CASP5: variants seen among roughly 807,000 people sequenced by gnomAD.
CASP5 encodes caspase 5.
CASP5 carries 42 observed loss-of-function variants against 45.2 expected under a neutral mutation model. The observed-to-expected ratio is 0.93, with a 90% confidence interval of 0.73 to 1.20. CASP5 has a LOEUF of 1.20. Among genes scored for constraint, CASP5 ranks in the 50% most tolerant of loss-of-function variants. The pLI is 0.00. For synonymous variants in CASP5, 209 were observed against 186.2 expected (o/e 1.12, Z -1.00); for missense variants, 512 against 532.2 (o/e 0.96, Z 0.37).
chr11:105,001,820 G>A (rs1413095056), intron 5 of CASP5, among the ~76,000 whole-genome samples: 2 of 152,148 alleles, frequency 1.3e-5, no homozygotes, highest in Non-Finnish European at 2.9e-5. Flanking sequence ...GTTTTATGGA[G>A]TTGAGGGTAT....
chr11:105,021,514 C>T (rs1862960772), intron 1 of CASP5, among the ~76,000 whole-genome samples: 1 of 150,752 alleles, frequency 6.6e-6, no homozygotes, highest in African/African-American at 2.4e-5. Flanking sequence ...TGAACAGACA[C>T]TTCTCAAAAG....
intron 1 of CASP5, among the ~76,000 whole-genome samples, chr11:105,022,437 G>A (rs974584162): frequency 6.6e-6 from 1 of 152,020 alleles, no homozygotes; most frequent in Non-Finnish European, 1.5e-5. Flanking sequence ...AACCAAAGAC[G>A]CAATATGACC....
intron 5 of CASP5, 133 bp from the exon 6 acceptor site, chr11:105,000,628 C>A: frequency 1.3e-6 from 1 of 758,664 alleles, no homozygotes; most frequent in Non-Finnish European, 2.1e-6. Flanking sequence ...CTTACTCAGT[C>A]ATGACAGCAG....
intron 3 of CASP5, among the ~76,000 whole-genome samples, chr11:105,006,651 C>T (rs1240468649): frequency 2.0e-5 from 3 of 152,146 alleles, no homozygotes; most frequent in South Asian, 2.1e-4. Context: ...AAGTTGTTGG[C>T]ATGTGGTGCC....
chr11:105,018,223 C>T (rs374793435), intron 1 of CASP5, among the ~76,000 whole-genome samples: 22,710 of 150,696 alleles, frequency 0.15, 1,936 homozygotes, highest in Admixed American at 0.24. Flanking sequence ...TAAAGACCAT[C>T]GAGACTAGGA....
At chr11:104,996,674 G>T (rs1042861657) in intron 8 of CASP5, among the ~76,000 whole-genome samples, 3 of 152,258 alleles carry the variant, frequency 2.0e-5, no homozygotes, top group South Asian at 2.1e-4. Flanking sequence ...GCATATTGAG[G>T]TGCTGAGCAA....
At chr11:105,000,186 C>T (rs1405133643) in intron 6 of CASP5, 75 bp downstream of exon 6, 1 of 1,498,092 alleles carries the variant, frequency 6.7e-7, no homozygotes, top group Non-Finnish European at 9.3e-7. Flanking sequence ...CATTGTTTCC[C>T]CTAAATATAA....
chr11:104,995,794 T>C lies in CASP5; in HGVS notation c.1255A>G (p.Ile419Val), dbSNP rs779767143. 1.2e-5 allele frequency: 19 copies of C among 1,613,044 alleles called. No individual in the cohort carries two copies. The East Asian group carries it at 1.8e-4, about 15-fold the overall frequency. The change falls in exon 9 of 10, where the codon ATA becomes GTA. Residue 419 changes from isoleucine to valine, a missense_variant. Transcript: ENST00000260315. ...TCTCTTGTCAAGGTTGCTCGTTCTA[T>C]GGTGGGCATCTGGGCTTTAGCCTGT... ...VPQAKAQMPT[I>V]ERATLTRDFY...
intron 1 of CASP5, among the ~76,000 whole-genome samples, chr11:105,010,754 T>C (rs1862312111): frequency 1.3e-5 from 2 of 151,656 alleles, no homozygotes; most frequent in African/African-American, 4.8e-5. Context: ...AATAATAATA[T>C]ATGTTGAACC....
chr11:105,021,398 G>C lies in CASP5; in HGVS notation c.7+1732C>G, dbSNP rs550792706. ...ACCTACAAAATGGGAGAAAATTTTC[G>C]CAACCTACTCGTCTGACAAAGGGCT... On this transcript the variant is annotated intron_variant, in intron 1 of 9. Transcript: ENST00000260315. Among the ~76,000 whole-genome samples the C allele has an allele frequency of 4.1e-5, 6 of 147,246 alleles. No homozygotes were observed. In the East Asian group the frequency reaches 1.2e-3, roughly 28 times the overall value.
rs1484916102 is a variant in CASP5, at chr11:105,002,119, C to T, written c.626G>A (p.Arg209Lys). The part of the protein sequence containing the change: ...CNTKFDHLPA[R>K]NGAHYDIVGM... ...CACGATGTCATAGTGAGCCCCATTC[C>T]TTGCAGGCAGGTGATCAAACTTTGT... is the stretch of plus-strand genomic sequence containing the variant. Residue 209 changes from arginine (R) to lysine (K), a missense_variant, in exon 5 of 10, where the codon AGG becomes AAG. Transcript: ENST00000260315. 6.2e-7 allele frequency: 1 copy of T among 1,613,998 alleles called. No homozygotes were observed. The highest frequency in any genetic ancestry group is 8.5e-7 in the Non-Finnish European group (1 of 1,180,012).
At chr11:105,019,327 G>A (rs1200510078) in intron 1 of CASP5, among the ~76,000 whole-genome samples, 1 of 150,168 alleles carries the variant, frequency 6.7e-6, no homozygotes, top group Non-Finnish European at 1.5e-5. Context: ...GAAGGAAATA[G>A]AGACACAAAA....
At chr11:105,001,312 T>C (rs1861712193) in intron 5 of CASP5, among the ~76,000 whole-genome samples, 1 of 152,238 alleles carries the variant, frequency 6.6e-6, no homozygotes, top group Non-Finnish European at 1.5e-5. Flanking sequence ...ATTTACAGAC[T>C]TATCCACAGT....
chr11:105,000,275 T>C lies in CASP5; in HGVS notation c.938A>G (p.Gln313Arg), dbSNP rs754647597. Residue 313 changes from glutamine (Q) to arginine (R), a missense_variant, in exon 6 of 10, where the codon CAG becomes CGG. Transcript: ENST00000260315. ...TCAGCACTCACCACCTCTGCAGGCC[T>C]GGACAATGATGACCTTGGGTTTGTC... ...LKDKPKVIIVQACRGEKHGEL... is the reference protein window; with the variant it reads ...LKDKPKVIIVRACRGEKHGEL... 1.2e-6 allele frequency: 2 copies of C among 1,614,226 alleles called. No homozygotes were observed. Among genetic ancestry groups the C allele is most frequent in the East Asian group, 4.5e-5 (2 of 44,888 alleles).
In CASP5 at chr11:105,007,948, CTCAA is replaced by C. The variant is rs534396854; in HGVS notation, c.182-618_182-615del. On this transcript the variant is annotated intron_variant, in intron 2 of 9. Coordinates refer to ENST00000260315, the MANE Select transcript of CASP5 (RefSeq NM_004347.5). Reference sequence around the variant, plus strand: ...AGTCCTAATTTTTTAGCATCTTTTCCTCAATCAAAATTTGAAATTGAAAATAATA... The same window carrying C: ...AGTCCTAATTTTTTAGCATCTTTTCCTCAAAATTTGAAATTGAAAATAATA... Among the ~76,000 whole-genome samples, 760 of 152,188 alleles carry C rather than the reference CTCAA, an allele frequency of 5.0e-3. 4 individuals carry two copies. Among genetic ancestry groups the C allele is most frequent in the Non-Finnish European group, 7.0e-3 (474 of 68,000 alleles).
chr11:105,013,817 T>G (rs887880559), intron 1 of CASP5, among the ~76,000 whole-genome samples: 6 of 151,856 alleles, frequency 4.0e-5, no homozygotes, highest in African/African-American at 1.5e-4. Context: ...CTCCATATAG[T>G]AAAAAATAAT....
intron 1 of CASP5, among the ~76,000 whole-genome samples, chr11:105,013,367 A>G (rs891970326): frequency 2.0e-5 from 3 of 150,642 alleles, no homozygotes; most frequent in Non-Finnish European, 3.0e-5. Flanking sequence ...ACTATAGTCA[A>G]TGATGAATTC....
chr11:105,016,108 A>G (rs902792976), intron 1 of CASP5, among the ~76,000 whole-genome samples: 6 of 152,174 alleles, frequency 3.9e-5, no homozygotes, highest in East Asian at 1.9e-4. Context: ...CTAGCATGTG[A>G]GAGGTGAGAG....
At chr11:104,999,967 A>ATTTAC (rs1214694833) in intron 6 of CASP5, among the ~76,000 whole-genome samples, 4 of 152,214 alleles carry the variant, frequency 2.6e-5, no homozygotes, top group Non-Finnish European at 4.4e-5. Flanking sequence ...CTATCATGTA[A>ATTTAC]ATGATTCCAT....
Sources: gnomAD v4.1 joint callset for allele counts (sites outside exome capture counted in the v4.1 genomes callset) on GRCh38, gnomAD v4.1.1 for gene constraint, MANE v1.5 for transcripts, NCBI Gene and HGNC (gene_info 2026-07-23, HGNC 2026-07-21) for gene names.